MAML2: variants seen among roughly 807,000 people sequenced by gnomAD.
MAML2 encodes the protein mastermind like transcriptional coactivator 2.
A neutral mutation model predicts 96.1 loss-of-function variants in MAML2; 22 were observed. The ratio of observed to expected loss-of-function variants is 0.23; its 90% CI spans 0.16 to 0.33. MAML2 has a LOEUF of 0.33. Among genes scored for constraint, MAML2 ranks in the 10% least tolerant of loss-of-function variants. The pLI is 1.00. For missense variants in MAML2, 1,367 were observed against 1,392.4 expected, an observed-to-expected ratio of 0.98 and a Z score of 0.29; for synonymous variants, 561 against 521.3, an observed-to-expected ratio of 1.08 and a Z score of -1.04.
At chr11:96,168,116 T>C (rs1861222123) in intron 1 of MAML2, among the ~76,000 whole-genome samples, 1 of 152,198 alleles carries the variant, frequency 6.6e-6, no homozygotes. Context: ...CTCTGTGCCA[T>C]TTACAGGCTC....
chr11:96,068,438 T>TCACACACACACACACACACACACACA (rs10522513), intron 2 of MAML2, among the ~76,000 whole-genome samples: 124 of 120,362 alleles, frequency 1.0e-3, no homozygotes, highest in Non-Finnish European at 1.7e-3. Context: ...GGAGCTTACT[T>TCACACACACACACACACACACACACA]CACACACACA....
At chr11:96,182,550 G>T (rs7924519) in intron 1 of MAML2, among the ~76,000 whole-genome samples, 52,613 of 151,940 alleles carry the variant, frequency 0.35, 9,213 homozygotes, top group East Asian at 0.49. Flanking sequence ...CTAGAAGCAG[G>T]TTAAATTCAA....
At position 96,125,379 on chromosome 11, in the gene MAML2, G is replaced by T. The variant is rs994466592; in HGVS notation, c.514-31862C>A. 3.4e-4 allele frequency among the ~76,000 whole-genome samples: 52 copies of T among 152,106 alleles called. 1 individual carries two copies. The highest frequency in any genetic ancestry group is 4.4e-5 in the Non-Finnish European group (3 of 68,020). ...AGTCTCAGCATCTGAGACTTGTTAG[G>T]GGAAGGTGCAGGAGAGGCATGAGGT... On this transcript the variant is annotated intron_variant, in intron 1 of 4. Transcript: ENST00000524717.
At position 96,247,031 on chromosome 11, in the gene MAML2, C is replaced by T. The variant is rs373331753; in HGVS notation, c.513+94352G>A. 1.8e-4 allele frequency among the ~76,000 whole-genome samples: 27 copies of T among 152,164 alleles called. 1 individual carries two copies. In the East Asian group the frequency reaches 3.3e-3, roughly 18 times the overall value. On this transcript the variant is annotated intron_variant, in intron 1 of 4. Coordinates refer to ENST00000524717, the MANE Select transcript of MAML2 (RefSeq NM_032427.4). ...CTGCAGACAAAAATTGCGTGTGATCCTCCTTACATAAGGACCTTAGTGTGT... is the reference window on the plus strand; with the variant it reads ...CTGCAGACAAAAATTGCGTGTGATCTTCCTTACATAAGGACCTTAGTGTGT...
chr11:96,252,425 C>CTTTTTT (rs35604635), intron 1 of MAML2, among the ~76,000 whole-genome samples: 4 of 122,584 alleles, frequency 3.3e-5, no homozygotes, highest in Non-Finnish European at 5.0e-5. Flanking sequence ...TTGACTAACT[C>CTTTTTT]TTTTTTTTTT....
Position 96,092,518 on chromosome 11 carries a change from C to G in MAML2, c.1513G>C (p.Gly505Arg). ...SPMPGVAGGS[G>R]QSKVMANYMY... ...TAGTTAGCCATTACTTTCGACTGGC[C>G]GCTGCCGCCAGCTACCCCAGGCATG... The change falls in exon 2 of 5, where the codon GGC becomes CGC. Residue 505 changes from glycine to arginine, a missense_variant. By Grantham distance (125) the Gly-to-Arg change is moderately radical (BLOSUM62 -2). Transcript: ENST00000524717. This position sits in a 1 kb window ranked among gnomAD's most constrained non-coding sequence, Gnocchi z 4.1. 1 of 1,594,966 alleles carries G rather than the reference C, an allele frequency of 6.3e-7. No homozygotes were observed.
chr11:96,137,203 C>T (rs576257240), intron 1 of MAML2, among the ~76,000 whole-genome samples: 2 of 152,272 alleles, frequency 1.3e-5, no homozygotes, highest in South Asian at 2.1e-4. Context: ...AAAGAACAGA[C>T]TGCTAAATTG....
chr11:96,073,325 T>TC (rs201954493), intron 2 of MAML2, among the ~76,000 whole-genome samples: 1,457 of 113,148 alleles, frequency 0.013, 20 homozygotes, highest in African/African-American at 0.05. Flanking sequence ...TCTTTTCTTT[T>TC]TTTTTTTTTT....
At chr11:96,155,021 C>A (rs1015559603) in intron 1 of MAML2, among the ~76,000 whole-genome samples, 1 of 152,172 alleles carries the variant, frequency 6.6e-6, no homozygotes, top group African/African-American at 2.4e-5. Context: ...TGCCTGCTGG[C>A]AGGGAGCAGT....
At chr11:96,040,639 C>T (rs1224742211) in intron 2 of MAML2, among the ~76,000 whole-genome samples, 5 of 151,926 alleles carry the variant, frequency 3.3e-5, no homozygotes, top group African/African-American at 7.3e-5. Flanking sequence ...TGGTGGTGGG[C>T]GCCTGTAATC....
chr11:96,159,440 T>G (rs1861068264), intron 1 of MAML2, among the ~76,000 whole-genome samples: 1 of 110,762 alleles, frequency 9.0e-6, no homozygotes, highest in Non-Finnish European at 1.8e-5. Context: ...TGAGACGGAG[T>G]CTCGCTCTGT....
intron 4 of MAML2, among the ~76,000 whole-genome samples, chr11:95,982,149 A>G (rs542830975): frequency 5.3e-5 from 8 of 152,308 alleles, no homozygotes; most frequent in Non-Finnish European, 1.0e-4. Flanking sequence ...TCATCAGAAG[A>G]CATGGGAAAC....
rs770185215 is a variant in MAML2, at chr11:96,092,588, G to T, written c.1443C>A (p.Pro481=). The T allele has an allele frequency of 9.9e-6, 16 of 1,609,636 alleles. No individual in the cohort carries two copies. Among genetic ancestry groups the T allele is most frequent in the Non-Finnish European group, 1.3e-5 (15 of 1,176,686 alleles). The change falls in exon 2 of 5, where the codon CCC becomes CCA. Residue 481 remains proline (P), a synonymous_variant. Coordinates refer to ENST00000524717, the MANE Select transcript of MAML2 (RefSeq NM_032427.4). The surrounding 1 kb of genome is among the most constrained non-coding windows in gnomAD (Gnocchi z 4.1). ...SPGPFGQEKI[P]SPSFGQQTFS... ...ATGTCTGCTGACCAAAAGAAGGGCT[G>T]GGGATTTTCTCCTGCCCAAATGGAC...
intron 1 of MAML2, among the ~76,000 whole-genome samples, chr11:96,148,484 G>A (rs12809041): frequency 0.098 from 14,894 of 151,568 alleles, 1,017 homozygotes; most frequent in Non-Finnish European, 0.15. Flanking sequence ...CCTAGGTGTG[G>A]TCATTCTTTC....
At position 95,979,004 on chromosome 11, in the gene MAML2, T is replaced by A. The variant is rs1462271544; in HGVS notation, c.3415A>T (p.Asn1139Tyr). Residue 1139 changes from asparagine (N) to tyrosine (Y), a missense_variant, in exon 5 of 5, where the codon AAT becomes TAT. Physicochemically the swap from Asn to Tyr is moderately radical, Grantham distance 143. Coordinates refer to ENST00000524717, the MANE Select transcript of MAML2 (RefSeq NM_032427.4). ...IDSLLKTEPG[N>Y]DDWMKDINLD... ...TTGATGTCTTTCATCCAGTCATCAT[T>A]ACCAGGCTCTGTCTTCAATAAAGAA... 6.2e-7 allele frequency: 1 copy of A among 1,613,934 alleles called. No individual in the cohort carries two copies. Among genetic ancestry groups the A allele is most frequent in the South Asian group, 1.1e-5 (1 of 91,046 alleles).
At chr11:96,000,218 G>A (rs1374773851) in intron 2 of MAML2, among the ~76,000 whole-genome samples, 1 of 152,174 alleles carries the variant, frequency 6.6e-6, no homozygotes, top group Non-Finnish European at 1.5e-5. Flanking sequence ...CTTGTAAACA[G>A]AAAAGGCTGA....
chr11:96,302,381 C>T (rs896388374), intron 1 of MAML2, among the ~76,000 whole-genome samples: 4 of 152,202 alleles, frequency 2.6e-5, no homozygotes, highest in Admixed American at 2.6e-4. Context: ...AGCATCCATT[C>T]TTCTCTGTGT....
Position 96,117,801 on chromosome 11 carries a change from A to G in MAML2, c.514-24284T>C, listed in dbSNP as rs193056650. ...TTAAAAATTGTACTTAATCAAGACA[A>G]TCAGAGTTATAAGAAGAAGCCTGGA... On this transcript the variant is annotated intron_variant, in intron 1 of 4. Coordinates refer to ENST00000524717, the MANE Select transcript of MAML2 (RefSeq NM_032427.4). Among the ~76,000 whole-genome samples, 1,495 of 152,302 alleles carry G rather than the reference A, an allele frequency of 9.8e-3. 17 individuals are homozygous for G. The highest frequency in any genetic ancestry group is 0.038 in the South Asian group (184 of 4,820).
At chr11:96,135,652 G>A in intron 1 of MAML2, among the ~76,000 whole-genome samples, 1 of 151,218 alleles carries the variant, frequency 6.6e-6, no homozygotes, top group Non-Finnish European at 1.5e-5. Flanking sequence ...GTAAAGGTCA[G>A]CTTTTTCTTA....
Sources: allele counts gnomAD v4.1 joint callset (sites outside exome capture counted in the v4.1 genomes callset), GRCh38; gene constraint gnomAD v4.1.1; non-coding constraint Gnocchi (gnomAD v3.1); transcripts MANE v1.5; gene names NCBI Gene and HGNC (gene_info 2026-07-23, HGNC 2026-07-21).